CCDC122: variants seen among roughly 807,000 people sequenced by gnomAD.
The protein encoded by CCDC122 is coiled-coil domain containing 122.
In CCDC122, 38 loss-of-function variants were observed where a neutral mutation model predicts 37.0. The ratio of observed to expected loss-of-function variants is 1.03; its 90% confidence interval spans 0.79 to 1.35. The LOEUF is 1.35. Among genes scored for constraint, CCDC122 ranks in the 40% most tolerant of loss-of-function variants. CCDC122 has a pLI of 0.00. For synonymous variants in CCDC122, 83 were observed against 95.6 expected (o/e 0.87, Z 0.77); for missense variants, 305 against 310.0 (o/e 0.98, Z 0.12).
chr13:43,841,951 C>T (rs1230184536), intron 6 of CCDC122, among the ~76,000 whole-genome samples: 1 of 152,208 alleles, frequency 6.6e-6, no homozygotes, highest in Non-Finnish European at 1.5e-5. Context: ...AAGACATCCT[C>T]CTGCCTTGGC....
At chr13:43,876,280 T>C (rs1324690243) in intron 1 of CCDC122, among the ~76,000 whole-genome samples, 1 of 152,272 alleles carries the variant, frequency 6.6e-6, no homozygotes, top group African/African-American at 2.4e-5. Context: ...TGGCTTTTTC[T>C]GGAAAGATCC....
downstream of CCDC122, among the ~76,000 whole-genome samples, chr13:43,833,953 T>C (rs1304050367): frequency 1.3e-5 from 2 of 152,206 alleles, no homozygotes; most frequent in Non-Finnish European, 2.9e-5. Flanking sequence ...AGAACTAAAA[T>C]TAAAAATAAC....
At chr13:43,842,809 C>T (rs553359371) in intron 6 of CCDC122, among the ~76,000 whole-genome samples, 2 of 152,082 alleles carry the variant, frequency 1.3e-5, no homozygotes, top group Admixed American at 1.3e-4. Context: ...TTTACTTCCT[C>T]ATTGTTTATT....
At chr13:43,835,144 G>A (rs1046458843), downstream of CCDC122, among the ~76,000 whole-genome samples, 45 of 152,134 alleles carry the variant, frequency 3.0e-4, no homozygotes, top group Non-Finnish European at 4.9e-4. Flanking sequence ...AAAATGATGA[G>A]TTCATGTCCT....
chr13:43,859,139 T>G (rs968694367), intron 5 of CCDC122, among the ~76,000 whole-genome samples: 4 of 152,172 alleles, frequency 2.6e-5, no homozygotes, highest in African/African-American at 9.6e-5. Context: ...GTGGTAGTTA[T>G]GGTGGCAACT....
chr13:43,865,415 C>T (rs1158473612), intron 4 of CCDC122, among the ~76,000 whole-genome samples: 2 of 152,022 alleles, frequency 1.3e-5, no homozygotes, highest in African/African-American at 2.4e-5. Context: ...CCAAGACCTC[C>T]GTGGACGTCT....
Position 43,849,179 on chromosome 13 carries a change from A to T in CCDC122, c.672+9602T>A, listed in dbSNP as rs370812539. The T allele has an allele frequency of 1.2e-5, 7 of 587,652 alleles. No individual in the cohort carries two copies. The African/African-American group carries it at 1.2e-4, about 10-fold the overall frequency. 36.4% of individuals were successfully genotyped at this position (587,652 alleles called of 1,614,324 possible). ...AGAAGTAATAGAATTGAAATGAAAA[A>T]GTTCAAAAGAATCTTAACAGAGGGG... On this transcript the variant is annotated intron_variant, in intron 6 of 6. Transcript: ENST00000444614.
At chr13:43,868,173 T>C (rs777700122) in intron 4 of CCDC122, among the ~76,000 whole-genome samples, 3 of 152,186 alleles carry the variant, frequency 2.0e-5, no homozygotes, top group Non-Finnish European at 2.9e-5. Flanking sequence ...CACAAGATAC[T>C]GTTTTCATTT....
intron 6 of CCDC122, among the ~76,000 whole-genome samples, chr13:43,840,363 A>G (rs1953303748): frequency 6.6e-6 from 1 of 152,122 alleles, no homozygotes; most frequent in Non-Finnish European, 1.5e-5. Context: ...ATGTAAATAT[A>G]CCACAATTTA....
In CCDC122 at chr13:43,859,666, G is replaced by C; in HGVS notation, c.555+6C>G. The C allele has an allele frequency of 1.4e-6, 2 of 1,458,664 alleles. No individual in the cohort carries two copies. The highest frequency in any genetic ancestry group is 1.8e-4 in the Middle Eastern group (1 of 5,506). 90.4% of individuals were successfully genotyped at this position (1,458,664 alleles called of 1,614,324 possible). The stretch of plus-strand genomic sequence containing the variant: ...AAAAATAGTTTTACTAAGTAATTTT[G>C]CACACCTGTACTTGTGTTATTCGGT... On this transcript the variant is annotated splice_donor_region_variant and intron_variant, in intron 5 of 6. Transcript: ENST00000444614.
At chr13:43,839,652 T>C (rs1953279023) in intron 6 of CCDC122, among the ~76,000 whole-genome samples, 1 of 152,222 alleles carries the variant, frequency 6.6e-6, no homozygotes, top group Non-Finnish European at 1.5e-5. Context: ...TGTTTAACCA[T>C]TTCAGGAACT....
intron 6 of CCDC122, among the ~76,000 whole-genome samples, chr13:43,838,978 A>G (rs192218331): frequency 3.9e-4 from 60 of 152,360 alleles, no homozygotes; most frequent in African/African-American, 1.3e-3. Flanking sequence ...ACATGCCTGC[A>G]ATAAGGTTAA....
At chr13:43,872,930 A>G (rs745488996) in intron 2 of CCDC122, among the ~76,000 whole-genome samples, 62 of 152,142 alleles carry the variant, frequency 4.1e-4, no homozygotes, top group Non-Finnish European at 7.8e-4. Context: ...CACTAGAACC[A>G]GTCATTTATC....
At chr13:43,870,550 T>TAA (rs1473878858) in intron 2 of CCDC122, among the ~76,000 whole-genome samples, 1 of 152,144 alleles carries the variant, frequency 6.6e-6, no homozygotes, top group Non-Finnish European at 1.5e-5. Flanking sequence ...GGTAAATACT[T>TAA]ACATCATACT....
intron 6 of CCDC122, among the ~76,000 whole-genome samples, chr13:43,856,999 T>C (rs1166399953): frequency 6.6e-6 from 1 of 152,224 alleles, no homozygotes; most frequent in African/African-American, 2.4e-5. Context: ...CAAAGTGCTT[T>C]TAGCAATTTA....
chr13:43,879,431 G>A (rs867687625), intron 1 of CCDC122, 200 bp downstream of exon 1: 8 of 152,806 alleles, frequency 5.2e-5, no homozygotes, highest in African/African-American at 1.7e-4. Flanking sequence ...CCTGGCTCCC[G>A]GGCGAGAGCC....
At chr13:43,838,804 T>C (rs1953251220) in intron 6 of CCDC122, among the ~76,000 whole-genome samples, 1 of 152,178 alleles carries the variant, frequency 6.6e-6, no homozygotes, top group African/African-American at 2.4e-5. Context: ...GGAAGTGTCA[T>C]TACATGTGCC....
chr13:43,871,168 T>A (rs960369461), intron 2 of CCDC122, among the ~76,000 whole-genome samples: 7 of 152,258 alleles, frequency 4.6e-5, no homozygotes, highest in Non-Finnish European at 1.0e-4. Context: ...TATTTTGTAT[T>A]CCTATGATGC....
intron 6 of CCDC122, among the ~76,000 whole-genome samples, chr13:43,838,180 T>A (rs1040389328): frequency 2.6e-5 from 4 of 152,184 alleles, no homozygotes; most frequent in African/African-American, 9.7e-5. Flanking sequence ...CTCTGTTAAA[T>A]TTAATTTTAT....
Sources: gnomAD v4.1 joint callset for allele counts (sites outside exome capture counted in the v4.1 genomes callset) on GRCh38, gnomAD v4.1.1 for gene constraint, MANE v1.5 for transcripts, NCBI Gene and HGNC (gene_info 2026-07-23, HGNC 2026-07-21) for gene names.